The following SMG6 variants were observed in gnomAD, a reference collection of about 807,000 sequenced individuals.
SMG6 encodes SMG6 nonsense mediated mRNA decay factor.
A neutral mutation model predicts 142.2 loss-of-function variants in SMG6; 66 were observed. The observed-to-expected ratio is 0.46, with a 90% CI of 0.38 to 0.57. The LOEUF (loss-of-function observed/expected upper bound fraction) is 0.57, where lower values mean the gene tolerates loss of function less well. Among genes scored for constraint, SMG6 ranks in the 20% least tolerant of loss-of-function variants. The pLI is 0.00. For missense variants in SMG6, 1,793 were observed against 1,832.0 expected, an observed-to-expected ratio of 0.98 and a Z score of 0.39; for synonymous variants, 779 against 702.4, an observed-to-expected ratio of 1.11 and a Z score of -1.72.
chr17:2,294,807 T>G (rs989594007), intron 4 of SMG6, among the ~76,000 whole-genome samples: 1 of 151,790 alleles, frequency 6.6e-6, no homozygotes, highest in Non-Finnish European at 1.5e-5. Context: ...AGGAGCACGG[T>G]TTTTTTTCAA....
chr17:2,160,573 T>C (rs1251248391), intron 13 of SMG6, among the ~76,000 whole-genome samples: 1 of 152,180 alleles, frequency 6.6e-6, no homozygotes, highest in Non-Finnish European at 1.5e-5. Flanking sequence ...CTCATGCCTG[T>C]AATTCCAGCA....
At chr17:2,194,140 T>G (rs7220945) in intron 10 of SMG6, among the ~76,000 whole-genome samples, 4 of 151,932 alleles carry the variant, frequency 2.6e-5, no homozygotes, top group Admixed American at 1.3e-4. Context: ...AATGATGGAG[T>G]TGGTGGATGC....
At chr17:2,080,882 G>T (rs940003650) in intron 15 of SMG6, among the ~76,000 whole-genome samples, 2 of 152,238 alleles carry the variant, frequency 1.3e-5, no homozygotes, top group Admixed American at 1.3e-4. Context: ...TGATCCGCCC[G>T]CCTCAGCCTC....
chr17:2,296,019 C>T (rs1196998166), intron 4 of SMG6, among the ~76,000 whole-genome samples: 1 of 152,112 alleles, frequency 6.6e-6, no homozygotes, highest in African/African-American at 2.4e-5. Context: ...CAACCTGACT[C>T]CTCTATCTCC....
chr17:2,117,323 GA>G (rs954602744), intron 13 of SMG6, among the ~76,000 whole-genome samples: 9 of 148,548 alleles, frequency 6.1e-5, no homozygotes, highest in African/African-American at 2.2e-4. Context: ...ATTAAGGCAA[GA>G]AAAAAAACGC....
At chr17:2,222,401 C>G (rs2073195801) in intron 10 of SMG6, among the ~76,000 whole-genome samples, 2 of 151,658 alleles carry the variant, frequency 1.3e-5, no homozygotes, top group South Asian at 4.2e-4. Flanking sequence ...ACATTCCAAA[C>G]AGAGAAAACA....
At chr17:2,147,292 C>T (rs1171718357) in intron 13 of SMG6, among the ~76,000 whole-genome samples, 2 of 152,088 alleles carry the variant, frequency 1.3e-5, no homozygotes, top group African/African-American at 2.4e-5. Context: ...ACTTGGGAGG[C>T]TGAGGCAGGA....
intron 18 of SMG6, 170 bp from the exon 19 acceptor site, chr17:2,061,792 C>A: frequency 1.4e-6 from 1 of 690,104 alleles, no homozygotes; most frequent in Non-Finnish European, 2.4e-6. Flanking sequence ...GGGGACCCTC[C>A]CCTGCTGGCC....
At chr17:2,291,114 G>C (rs1053568972) in intron 6 of SMG6, among the ~76,000 whole-genome samples, 1 of 152,084 alleles carries the variant, frequency 6.6e-6, no homozygotes, top group Non-Finnish European at 1.5e-5. Context: ...GGCGGATCAC[G>C]AGGTCAGGAG....
chr17:2,169,318 A>T (rs1400749624), intron 13 of SMG6, among the ~76,000 whole-genome samples: 1 of 152,044 alleles, frequency 6.6e-6, no homozygotes, highest in East Asian at 1.9e-4. Context: ...TCTTAAAAAA[A>T]AAAAAAAGGA....
At chr17:2,258,863 A>G (rs867511473) in intron 8 of SMG6, among the ~76,000 whole-genome samples, 3 of 151,824 alleles carry the variant, frequency 2.0e-5, no homozygotes, top group South Asian at 2.1e-4. Context: ...TGGGGGGCCG[A>G]GGTCAGGAGT....
chr17:2,293,348 T>G (rs2075080652), intron 4 of SMG6, among the ~76,000 whole-genome samples: 1 of 152,218 alleles, frequency 6.6e-6, no homozygotes, highest in South Asian at 2.1e-4. Context: ...ACTCAGTTTC[T>G]TCACCTGAAT....
intron 10 of SMG6, among the ~76,000 whole-genome samples, chr17:2,191,702 C>G (rs147447080): frequency 2.4e-4 from 37 of 152,268 alleles, no homozygotes; most frequent in African/African-American, 8.9e-4. Context: ...GGGCAGGTGA[C>G]CACAGCTCCT....
chr17:2,123,440 C>T (rs954757708), intron 13 of SMG6, among the ~76,000 whole-genome samples: 11 of 152,190 alleles, frequency 7.2e-5, no homozygotes, highest in Non-Finnish European at 1.5e-4. Context: ...AGTGTGTTAA[C>T]GGCACAGAAA....
chr17:2,236,701 T>TCACACACACA (rs71150853), intron 9 of SMG6, 64 bp from the exon 10 acceptor site: 7 of 958,952 alleles, frequency 7.3e-6, no homozygotes, highest in African/African-American at 3.7e-5. Flanking sequence ...TCACTCTGTC[T>TCACACACACA]CACACACACA....
intron 10 of SMG6, among the ~76,000 whole-genome samples, chr17:2,210,764 A>T (rs1409704475): frequency 6.0e-5 from 9 of 150,946 alleles, no homozygotes; most frequent in South Asian, 2.1e-4. Flanking sequence ...AGCTTTAAAA[A>T]AAAATAAAAT....
intron 15 of SMG6, among the ~76,000 whole-genome samples, chr17:2,075,084 C>T (rs964642327): frequency 6.6e-6 from 1 of 152,212 alleles, no homozygotes; most frequent in Non-Finnish European, 1.5e-5. Context: ...GTGAACGTGC[C>T]CCCGGCCTGG....
intron 6 of SMG6, among the ~76,000 whole-genome samples, chr17:2,290,005 T>C (rs2074997255): frequency 1.3e-5 from 2 of 150,450 alleles, no homozygotes; most frequent in African/African-American, 4.9e-5. Context: ...AAATAGATAT[T>C]TCTCCCAATA....
chr17:2,302,370 G>A (rs2209073), intron 1 of SMG6, among the ~76,000 whole-genome samples: 83,286 of 151,966 alleles, frequency 0.55, 23,907 homozygotes, highest in East Asian at 0.69. Flanking sequence ...GAGAAACCCC[G>A]TCACTACAAA....
Sources: gnomAD v4.1 joint callset for allele counts (sites outside exome capture counted in the v4.1 genomes callset) on GRCh38, gnomAD v4.1.1 for gene constraint, MANE v1.5 for transcripts, NCBI Gene and HGNC (gene_info 2026-07-23, HGNC 2026-07-21) for gene names.